PLCXD3: variants seen among roughly 807,000 people sequenced by gnomAD.
PLCXD3 encodes the protein phosphatidylinositol specific phospholipase C X domain containing 3.
PLCXD3 carries 19 observed loss-of-function variants against 25.5 expected under a neutral mutation model. The observed-to-expected ratio is 0.75, with a 90% CI of 0.52 to 1.09. The LOEUF (loss-of-function observed/expected upper bound fraction) is 1.09. Among genes scored for constraint, PLCXD3 ranks in the 50% least tolerant of loss-of-function variants. The probability of loss-of-function intolerance (pLI) is 0.00; values close to 1 mark genes in which losing one functional copy is unlikely to be tolerated. For synonymous variants in PLCXD3, 174 were observed against 137.6 expected (o/e 1.26, Z -1.85); for missense variants, 411 against 388.1 (o/e 1.06, Z -0.50).
intron 1 of PLCXD3, among the ~76,000 whole-genome samples, chr5:41,404,379 C>T (rs767259143): frequency 1.3e-5 from 2 of 151,694 alleles, no homozygotes; most frequent in South Asian, 2.1e-4. Flanking sequence ...TGGTATAACT[C>T]GGCACAAACA....
At chr5:41,467,442 T>C (rs1748044036) in intron 1 of PLCXD3, among the ~76,000 whole-genome samples, 1 of 152,166 alleles carries the variant, frequency 6.6e-6, no homozygotes, top group Admixed American at 6.5e-5. Flanking sequence ...TCTTATTTTT[T>C]TGGATATTAA....
chr5:41,470,641 C>T (rs1485125841), intron 1 of PLCXD3, among the ~76,000 whole-genome samples: 1 of 152,190 alleles, frequency 6.6e-6, no homozygotes, highest in Non-Finnish European at 1.5e-5. Flanking sequence ...GTAAAAATGT[C>T]TGCTCTTCTA....
At chr5:41,370,167 A>G (rs1329332015) in intron 2 of PLCXD3, among the ~76,000 whole-genome samples, 2 of 152,216 alleles carry the variant, frequency 1.3e-5, no homozygotes, top group Admixed American at 1.3e-4. Flanking sequence ...TTCTGCAAAA[A>G]AATGAATTAT....
At chr5:41,447,616 C>G (rs1392220395) in intron 1 of PLCXD3, among the ~76,000 whole-genome samples, 1 of 152,206 alleles carries the variant, frequency 6.6e-6, no homozygotes, top group East Asian at 1.9e-4. Context: ...ATCTAAATCA[C>G]ATGTGTGAGC....
chr5:41,381,801 C>CA (rs1561252723), intron 2 of PLCXD3, 25 bp downstream of exon 2: 1 of 1,566,532 alleles, frequency 6.4e-7, no homozygotes, highest in South Asian at 1.2e-5. Context: ...TTGAGGTTTC[C>CA]CCCTGACATT....
chr5:41,403,408 T>TTTTTTTTTTTG (rs1554047966), intron 1 of PLCXD3, among the ~76,000 whole-genome samples: 4 of 26,238 alleles, frequency 1.5e-4, no homozygotes, highest in East Asian at 8.9e-4. Flanking sequence ...GTTGTTTTTT[T>TTTTTTTTTTTG]TTTTTTTTAT....
intron 2 of PLCXD3, among the ~76,000 whole-genome samples, chr5:41,364,090 TG>T (rs1051576437): frequency 6.6e-6 from 1 of 151,846 alleles, no homozygotes; most frequent in African/African-American, 2.4e-5. Context: ...GGGGTGGGCA[TG>T]GGGGGAGGGC....
intron 1 of PLCXD3, among the ~76,000 whole-genome samples, chr5:41,412,530 G>C (rs1746583647): frequency 6.6e-6 from 1 of 152,030 alleles, no homozygotes; most frequent in African/African-American, 2.4e-5. Context: ...AGAAGTCAAG[G>C]ACATGAGAGC....
intron 1 of PLCXD3, among the ~76,000 whole-genome samples, chr5:41,499,867 T>C (rs970381526): frequency 4.6e-5 from 7 of 151,680 alleles, no homozygotes; most frequent in African/African-American, 1.7e-4. Flanking sequence ...GACAAAATAC[T>C]AAGAATACAC....
intron 2 of PLCXD3, 34 bp from the exon 3 acceptor site, chr5:41,313,804 G>T: frequency 6.5e-7 from 1 of 1,535,016 alleles, no homozygotes; most frequent in Non-Finnish European, 8.7e-7. Context: ...AGTCACAGAA[G>T]GCAAGATACT....
rs571753519 is a variant in PLCXD3, at chr5:41,455,929, TA to T, written c.103+54494del. The stretch of plus-strand genomic sequence containing the variant: ...TTATTGTCCCATATCACCATTGTGT[TA>T]AAAACAATGCATGTAAGATTGTCGC... On this transcript the variant is annotated intron_variant, in intron 1 of 2. Transcript: ENST00000377801. 2.0e-3 allele frequency among the ~76,000 whole-genome samples: 308 copies of T among 152,056 alleles called. 2 individuals are homozygous for T. The highest frequency in any genetic ancestry group is 3.9e-3 in the Non-Finnish European group (266 of 67,930).
chr5:41,337,462 T>A (rs1263108042), intron 2 of PLCXD3, among the ~76,000 whole-genome samples: 1 of 152,210 alleles, frequency 6.6e-6, no homozygotes, highest in African/African-American at 2.4e-5. Flanking sequence ...TTCAGCTTCA[T>A]GTCCCCAGTG....
chr5:41,426,661 C>A (rs562602453), intron 1 of PLCXD3, among the ~76,000 whole-genome samples: 2 of 152,024 alleles, frequency 1.3e-5, no homozygotes. Context: ...TTCTACTTTG[C>A]TTTTAATTCT....
chr5:41,386,508 C>T (rs536194792), intron 1 of PLCXD3, among the ~76,000 whole-genome samples: 24 of 152,200 alleles, frequency 1.6e-4, no homozygotes, highest in African/African-American at 3.4e-4. Context: ...ATAATCCCTC[C>T]GCTTGAGTTT....
chr5:41,377,638 A>G (rs768568285), intron 2 of PLCXD3, among the ~76,000 whole-genome samples: 4 of 152,216 alleles, frequency 2.6e-5, no homozygotes, highest in Non-Finnish European at 5.9e-5. Flanking sequence ...TGGCATTGCT[A>G]CAATGTAGAA....
intron 2 of PLCXD3, among the ~76,000 whole-genome samples, chr5:41,360,644 C>T (rs1476321708): frequency 1.3e-5 from 2 of 152,128 alleles, no homozygotes; most frequent in Non-Finnish European, 2.9e-5. Context: ...GTCTAGCCAC[C>T]CAGTGGAGCT....
At chr5:41,475,356 T>C (rs1561284260) in intron 1 of PLCXD3, among the ~76,000 whole-genome samples, 1 of 152,182 alleles carries the variant, frequency 6.6e-6, no homozygotes, top group Non-Finnish European at 1.5e-5. Context: ...TATAGGACCC[T>C]ATCTGTCCCT....
chr5:41,433,960 C>T (rs969304232), intron 1 of PLCXD3, among the ~76,000 whole-genome samples: 17 of 152,274 alleles, frequency 1.1e-4, no homozygotes, highest in South Asian at 4.1e-4. Flanking sequence ...ATAGCTGTGA[C>T]GTAATATCAC....
chr5:41,496,959 G>A (rs553336175), intron 1 of PLCXD3, among the ~76,000 whole-genome samples: 1 of 151,782 alleles, frequency 6.6e-6, no homozygotes, highest in South Asian at 2.1e-4. Context: ...GGAGGGAGAA[G>A]TAGGGGTTTT....
Sources: gnomAD v4.1 joint callset for allele counts (sites outside exome capture counted in the v4.1 genomes callset) on GRCh38, gnomAD v4.1.1 for gene constraint, MANE v1.5 for transcripts, NCBI Gene and HGNC (gene_info 2026-07-23, HGNC 2026-07-21) for gene names.